Variants in HDAC4 observed in about 807,000 individuals in gnomAD.
HDAC4 encodes histone deacetylase A.
In HDAC4, 16 loss-of-function variants were observed where a neutral mutation model predicts 135.1. The ratio of observed to expected loss-of-function variants is 0.12; its 90% CI spans 0.08 to 0.18. HDAC4 has a LOEUF of 0.18. Among genes scored for constraint, HDAC4 ranks in the 10% least tolerant of loss-of-function variants. HDAC4 has a pLI of 1.00. For missense variants in HDAC4, 1,143 were observed against 1,511.8 expected (o/e 0.76, Z 4.05); for synonymous variants, 685 against 653.4 (o/e 1.05, Z -0.74).
rs138594789 is a variant in HDAC4, at chr2:239,060,558, ACC to A, written c.3004-5727_3004-5726del. 2.5e-3 allele frequency among the ~76,000 whole-genome samples: 379 copies of A among 152,164 alleles called. 7 individuals are homozygous for A. The East Asian group carries it at 0.037, about 15-fold the overall frequency. ...GGAGCCCTGCAGAGGGGCCAGTTTT[ACC>A]CCCGTCCAGCTGGCAAAGGTCAAGG... On this transcript the variant is annotated intron_variant, in intron 24 of 26. Transcript: ENST00000543185.
At chr2:239,099,784 G>A (rs2037447174) in intron 16 of HDAC4, among the ~76,000 whole-genome samples, 3 of 152,212 alleles carry the variant, frequency 2.0e-5, no homozygotes, top group South Asian at 4.1e-4. Flanking sequence ...TCTCCCTGCA[G>A]GGCGATCTCA....
In HDAC4 at chr2:239,068,843, C is replaced by T. The variant is rs1183370135; in HGVS notation, c.2751-236G>A. On this transcript the variant is annotated intron_variant, in intron 22 of 26. Coordinates refer to ENST00000543185, the MANE Select transcript of HDAC4 (RefSeq NM_001378414.1). This position sits in a 1 kb window ranked among gnomAD's most constrained non-coding sequence, Gnocchi z 4.4. ...TCTTCACAGTGCAAGCCAGCAAGCC[C>T]CACGACACTTGCTTGGTGAGAGGGA... 1.2e-5 allele frequency: 7 copies of T among 570,236 alleles called. No individual in the cohort carries two copies. Among genetic ancestry groups the T allele is most frequent in the Non-Finnish European group, 2.0e-5 (6 of 306,930 alleles). 35.3% of individuals were successfully genotyped at this position (570,236 alleles called of 1,614,324 possible).
At chr2:239,199,640 G>A (rs983873097) in intron 3 of HDAC4, among the ~76,000 whole-genome samples, 2 of 152,138 alleles carry the variant, frequency 1.3e-5, no homozygotes, top group African/African-American at 2.4e-5. Flanking sequence ...CAGGAGCCCC[G>A]TGGTTGGATC....
At chr2:239,263,318 G>T (rs2049499288) in intron 2 of HDAC4, among the ~76,000 whole-genome samples, 1 of 135,362 alleles carries the variant, frequency 7.4e-6, no homozygotes, top group African/African-American at 3.0e-5. Context: ...CCACCCTGAG[G>T]ACCCCCGCCC....
rs754080436 is a variant in HDAC4, at chr2:239,053,589, C to T, written c.3101G>A (p.Arg1034His). ...KVMEIHSKYW[R>H]CLQRTTSTAG... ...TGTGGAGGTTGTGCGCTGCAGGCAG[C>T]GCCAGTACTTGCCTGGGGTGGTGGG... The change falls in exon 26 of 27, where the codon CGC becomes CAC. Residue 1034 changes from arginine (R) to histidine (H), a missense_variant. Arg to His is a conservative substitution (Grantham distance 29). Transcript: ENST00000543185. 36 of 1,613,546 alleles carry T rather than the reference C, an allele frequency of 2.2e-5. No individual in the cohort carries two copies. The highest frequency in any genetic ancestry group is 1.5e-4 in the African/African-American group (11 of 74,934).
intron 3 of HDAC4, among the ~76,000 whole-genome samples, chr2:239,233,145 A>T (rs796545585): frequency 4.6e-5 from 7 of 152,394 alleles, no homozygotes; most frequent in African/African-American, 1.7e-4. Context: ...GTTTTCTTTT[A>T]TGATAGAGCT....
chr2:239,206,327 CA>C (rs201449361), intron 3 of HDAC4, among the ~76,000 whole-genome samples: 5 of 149,634 alleles, frequency 3.3e-5, no homozygotes, highest in Admixed American at 6.7e-5. Flanking sequence ...AAACCTGCCT[CA>C]AAAAAAAAGA....
chr2:239,318,616 T>G (rs911300262), intron 2 of HDAC4, among the ~76,000 whole-genome samples: 6 of 151,544 alleles, frequency 4.0e-5, no homozygotes, highest in Non-Finnish European at 5.9e-5. Flanking sequence ...CACGCTTATC[T>G]GAGGCAACAT....
Position 239,051,512 on chromosome 2 carries a change from A to AAAT in HDAC4, c.*1582_*1584dup, listed in dbSNP as rs1460596757. ...TTGCTAAATGGTGAGGAAAAATGTA[A>AAAT]AATTCATAAAACAATGCTTATTCAG... On this transcript the variant is annotated 3_prime_UTR_variant, in exon 27 of 27. Coordinates refer to ENST00000543185, the MANE Select transcript of HDAC4 (RefSeq NM_001378414.1). The AAAT allele has an allele frequency of 6.6e-6, 1 of 152,606 alleles. No homozygotes were observed. The highest frequency in any genetic ancestry group is 1.5e-5 in the Non-Finnish European group (1 of 68,054). 9.5% of individuals were successfully genotyped at this position (152,606 alleles called of 1,614,324 possible).
At chr2:239,339,699 A>T (rs900299696) in intron 2 of HDAC4, among the ~76,000 whole-genome samples, 4 of 152,324 alleles carry the variant, frequency 2.6e-5, no homozygotes, top group African/African-American at 7.2e-5. Flanking sequence ...CATTAAAAAC[A>T]CCATCTCCTT....
At chr2:239,244,226 T>G (rs1357677171) in intron 2 of HDAC4, among the ~76,000 whole-genome samples, 1 of 152,116 alleles carries the variant, frequency 6.6e-6, no homozygotes, top group Admixed American at 6.5e-5. Flanking sequence ...ACCACTTGGT[T>G]CTCGTGTCTG....
At chr2:239,268,041 A>G (rs888947686) in intron 2 of HDAC4, among the ~76,000 whole-genome samples, 15 of 152,284 alleles carry the variant, frequency 9.9e-5, no homozygotes, top group African/African-American at 2.9e-4. Flanking sequence ...ACTGTTGTCC[A>G]AATTAGGTCA....
At chr2:239,087,282 T>C (rs2036066857) in intron 19 of HDAC4, among the ~76,000 whole-genome samples, 1 of 152,238 alleles carries the variant, frequency 6.6e-6, no homozygotes, top group Non-Finnish European at 1.5e-5. Context: ...TGTTGACAAC[T>C]ACTCAACAAC....
At chr2:239,192,117 C>T (rs1172948597) in intron 3 of HDAC4, among the ~76,000 whole-genome samples, 2 of 152,200 alleles carry the variant, frequency 1.3e-5, no homozygotes, top group Admixed American at 1.3e-4. Flanking sequence ...AGAATCTACG[C>T]ACATAAACTG....
At chr2:239,187,938 C>T (rs1239848834) in intron 4 of HDAC4, among the ~76,000 whole-genome samples, 1 of 152,188 alleles carries the variant, frequency 6.6e-6, no homozygotes, top group African/African-American at 2.4e-5. Context: ...GTGTCCTCTC[C>T]TTGGTTTGTC....
At chr2:239,197,567 G>T (rs1482716590) in intron 3 of HDAC4, among the ~76,000 whole-genome samples, 1 of 152,124 alleles carries the variant, frequency 6.6e-6, no homozygotes, top group Admixed American at 6.5e-5. Flanking sequence ...TTGAGTAGGA[G>T]ATCTCCCAGA....
chr2:239,267,944 C>T (rs1559305898), intron 2 of HDAC4, among the ~76,000 whole-genome samples: 2 of 152,226 alleles, frequency 1.3e-5, no homozygotes, highest in Admixed American at 6.5e-5. Context: ...GTGCACTTTC[C>T]TAAAAAGACA....
chr2:239,397,178 A>G (rs1457206446), intron 1 of HDAC4, among the ~76,000 whole-genome samples: 1 of 152,234 alleles, frequency 6.6e-6, no homozygotes, highest in Non-Finnish European at 1.5e-5. Flanking sequence ...GCTGAACTTC[A>G]GCTTCAAGGT....
chr2:239,346,745 G>A (rs188115197), intron 2 of HDAC4, among the ~76,000 whole-genome samples: 2,558 of 118,304 alleles, frequency 0.022, 38 homozygotes, highest in East Asian at 0.12. Flanking sequence ...AACACACCCT[G>A]ACACACACAC....
Sources: gnomAD v4.1 joint callset for allele counts (sites outside exome capture counted in the v4.1 genomes callset) on GRCh38, gnomAD v4.1.1 for gene constraint, Gnocchi (gnomAD v3.1) non-coding constraint, MANE v1.5 for transcripts, NCBI Gene and HGNC (gene_info 2026-07-23, HGNC 2026-07-21) for gene names.